The following ARHGEF26 variants were observed in gnomAD, a reference collection of about 807,000 sequenced individuals.
ARHGEF26 encodes Rho guanine nucleotide exchange factor (GEF) 26.
Under a neutral mutation model 89.4 loss-of-function variants are expected in ARHGEF26, and 59 were observed. The ratio of observed to expected loss-of-function variants is 0.66; its 90% CI spans 0.54 to 0.82. The LOEUF is 0.82. ARHGEF26 is among the 40% of genes least tolerant of loss of function. ARHGEF26 has a pLI of 0.00. For missense variants in ARHGEF26, 1,234 were observed against 1,085.6 expected (o/e 1.14, Z -1.92); for synonymous variants, 500 against 428.4 (o/e 1.17, Z -2.06).
At chr3:154,134,560 G>A (rs145996471) in intron 4 of ARHGEF26, among the ~76,000 whole-genome samples, 1 of 152,082 alleles carries the variant, frequency 6.6e-6, no homozygotes, top group African/African-American at 2.4e-5. Context: ...AACAACATGT[G>A]GGAATTCAAT....
chr3:154,233,494 G>A (rs1293202581), intron 11 of ARHGEF26, among the ~76,000 whole-genome samples: 1 of 152,198 alleles, frequency 6.6e-6, no homozygotes, highest in African/African-American at 2.4e-5. Context: ...TTGGAGGAAA[G>A]TAGGAAGAAT....
intron 13 of ARHGEF26, among the ~76,000 whole-genome samples, chr3:154,253,715 G>C (rs1045819196): frequency 2.0e-5 from 3 of 152,140 alleles, no homozygotes; most frequent in African/African-American, 7.2e-5. Context: ...GCGCAGTGAA[G>C]GGGGGTGTTG....
chr3:154,216,481 T>TTC (rs1715733159), intron 9 of ARHGEF26, among the ~76,000 whole-genome samples: 1 of 28,072 alleles, frequency 3.6e-5, no homozygotes, highest in African/African-American at 1.7e-4. Flanking sequence ...AGCACTTGTT[T>TTC]TTTTTTTTTT....
At chr3:154,216,539 A>AT (rs1344136986) in intron 9 of ARHGEF26, among the ~76,000 whole-genome samples, 1 of 95,056 alleles carries the variant, frequency 1.1e-5, no homozygotes, top group African/African-American at 4.0e-5. Flanking sequence ...CAAAATATTT[A>AT]TTTTTTTATT....
chr3:154,176,394 G>C (rs1712820934), intron 6 of ARHGEF26, among the ~76,000 whole-genome samples: 1 of 152,054 alleles, frequency 6.6e-6, no homozygotes, highest in Non-Finnish European at 1.5e-5. Context: ...TAATTATTAA[G>C]AGGCAATTAA....
intron 9 of ARHGEF26, among the ~76,000 whole-genome samples, chr3:154,199,080 T>C (rs1268639685): frequency 2.0e-5 from 3 of 151,986 alleles, no homozygotes; most frequent in Non-Finnish European, 4.4e-5. Flanking sequence ...GTTAAACTCT[T>C]TATTTTAAAA....
intron 13 of ARHGEF26, among the ~76,000 whole-genome samples, chr3:154,253,889 G>A (rs761651068): frequency 6.6e-6 from 1 of 152,134 alleles, no homozygotes; most frequent in Non-Finnish European, 1.5e-5. Context: ...GAAAGTTCCC[G>A]GAAATCAAGC....
At chr3:154,148,140 C>G (rs765697094) in intron 4 of ARHGEF26, among the ~76,000 whole-genome samples, 1 of 152,196 alleles carries the variant, frequency 6.6e-6, no homozygotes, top group Admixed American at 6.5e-5. Flanking sequence ...CGTGGAAGGA[C>G]AGAGACAGAA....
At chr3:154,253,373 T>C (rs1051430002) in intron 13 of ARHGEF26, among the ~76,000 whole-genome samples, 190 bp downstream of exon 13, 2 of 152,252 alleles carry the variant, frequency 1.3e-5, no homozygotes, top group African/African-American at 4.8e-5. Flanking sequence ...AAATCCAAGG[T>C]GCATTTCTTT....
At chr3:154,173,977 A>G (rs189815830) in intron 6 of ARHGEF26, among the ~76,000 whole-genome samples, 1 of 152,340 alleles carries the variant, frequency 6.6e-6, no homozygotes, top group Admixed American at 6.5e-5. Flanking sequence ...AGTATCTATG[A>G]CCATTTATTC....
intron 11 of ARHGEF26, among the ~76,000 whole-genome samples, chr3:154,235,823 T>G (rs1401544486): frequency 6.6e-6 from 1 of 152,214 alleles, no homozygotes; most frequent in Non-Finnish European, 1.5e-5. Flanking sequence ...TTCTTCCTCC[T>G]CTTCTCCAGA....
At chr3:154,133,070 G>C (rs377511400) in intron 4 of ARHGEF26, among the ~76,000 whole-genome samples, 1 of 152,276 alleles carries the variant, frequency 6.6e-6, no homozygotes. Flanking sequence ...TGCCTCCTGG[G>C]ATGGTGAAAC....
chr3:154,129,671 T>G lies in ARHGEF26; in HGVS notation c.1221T>G (p.Ile407Met), dbSNP rs1718558490. 1 of 1,612,270 alleles carries G rather than the reference T, an allele frequency of 6.2e-7. No homozygotes were observed. The highest frequency in any genetic ancestry group is 1.3e-5 in the African/African-American group (1 of 74,896). Residue 407 changes from isoleucine (I) to methionine (M), a missense_variant, in exon 4 of 15, where the codon ATT becomes ATG. Physicochemically the swap from Ile to Met is conservative, Grantham distance 10. Coordinates refer to ENST00000465093, the MANE Select transcript of ARHGEF26 (RefSeq NM_015595.4). ...AAGAACAGAAGTCAGATGAAAAAAT[T>G]GTGATTCACCATAAGCCATTGAGAT... ...EPKEQKSDEK[I>M]VIHHKPLRST...
chr3:154,187,108 T>C (rs1387546992), intron 6 of ARHGEF26: 2 of 307,700 alleles, frequency 6.5e-6, no homozygotes, highest in Admixed American at 6.5e-5. Context: ...GCCAGGATGG[T>C]CTCGATCCCT....
chr3:154,226,729 C>T (rs879395579), intron 11 of ARHGEF26, among the ~76,000 whole-genome samples: 4 of 151,488 alleles, frequency 2.6e-5, no homozygotes, highest in Admixed American at 6.6e-5. Flanking sequence ...AGGGAACATA[C>T]TTTATTAAAT....
chr3:154,175,121 A>G lies in ARHGEF26; in HGVS notation c.1488-12564A>G, dbSNP rs1238345135. 2.0e-5 allele frequency among the ~76,000 whole-genome samples: 3 copies of G among 152,222 alleles called. No homozygotes were observed. In the East Asian group the frequency reaches 5.8e-4, roughly 29 times the overall value. On this transcript the variant is annotated intron_variant, in intron 6 of 14. Coordinates refer to ENST00000465093, the MANE Select transcript of ARHGEF26 (RefSeq NM_015595.4). ...GTCATAAGACTAGAGGGTAAAGTTC[A>G]GATTTTGAAAGTCTAAGAAAATGTG...
rs1433379465 is a variant in ARHGEF26, at chr3:154,122,679, G to T, written c.687G>T (p.Glu229Asp). The T allele has an allele frequency of 7.4e-6, 12 of 1,613,762 alleles. No homozygotes were observed. Among genetic ancestry groups the T allele is most frequent in the Non-Finnish European group, 1.0e-5 (12 of 1,179,860 alleles). ...CCTCCCAGGAGAACGAGCTCCTCGA[G>T]AATCCTTCCGTGGTTTTGAGTACAA... is the stretch of plus-strand genomic sequence containing the variant. ...RLPSQENELL[E>D]NPSVVLSTNS... Residue 229 changes from glutamate to aspartate, a missense_variant, in exon 2 of 15, where the codon GAG (glutamate) becomes GAT (aspartate). Physicochemically the swap from Glu to Asp is conservative, Grantham distance 45. Coordinates refer to ENST00000465093, the MANE Select transcript of ARHGEF26 (RefSeq NM_015595.4).
At chr3:154,240,328 T>C (rs377395730) in intron 11 of ARHGEF26, 42 bp from the exon 12 acceptor site, 92 of 1,479,610 alleles carry the variant, frequency 6.2e-5, no homozygotes, top group African/African-American at 4.0e-4. Context: ...GTCAGTCTTA[T>C]CTGCTGAATA....
rs115756180 is a variant in ARHGEF26 at position 154,133,482 on chromosome 3, A to G, written c.1269+3763A>G. On this transcript the variant is annotated intron_variant, in intron 4 of 14. Coordinates refer to ENST00000465093, the MANE Select transcript of ARHGEF26 (RefSeq NM_015595.4). ...GAAATAAGGCTGCACACCTACAACT[A>G]TCTGATCTGGCAGGTTTGTAGAAGA... 6.7e-3 allele frequency among the ~76,000 whole-genome samples: 1,008 copies of G among 151,534 alleles called. 9 individuals carry two copies. Among genetic ancestry groups the G allele is most frequent in the Non-Finnish European group, 8.7e-3 (586 of 67,718 alleles).
Sources: allele counts gnomAD v4.1 joint callset (sites outside exome capture counted in the v4.1 genomes callset), GRCh38; gene constraint gnomAD v4.1.1; transcripts MANE v1.5; gene names NCBI Gene and HGNC (gene_info 2026-07-23, HGNC 2026-07-21).